Variants in C6 observed in about 807,000 individuals in gnomAD.
C6 encodes the protein complement component C6.
Under a neutral mutation model 112.9 loss-of-function variants are expected in C6, and 101 were observed. The observed-to-expected ratio is 0.89, with a 90% CI of 0.76 to 1.06. C6 has a LOEUF of 1.06. Among genes scored for constraint, C6 ranks in the 50% least tolerant of loss-of-function variants. C6 has a pLI of 0.00. For missense variants in C6, 1,202 were observed against 1,104.6 expected (o/e 1.09, Z -1.25); for synonymous variants, 431 against 384.1 (o/e 1.12, Z -1.43).
intron 1 of C6, among the ~76,000 whole-genome samples, chr5:41,224,164 T>G (rs1739343253): frequency 6.6e-6 from 1 of 152,140 alleles, no homozygotes; most frequent in Non-Finnish European, 1.5e-5. Context: ...CCTCACATAC[T>G]TACCATTTTG....
At chr5:41,148,874 C>T (rs1464682518) in intron 17 of C6, among the ~76,000 whole-genome samples, 1 of 152,192 alleles carries the variant, frequency 6.6e-6, no homozygotes, top group African/African-American at 2.4e-5. Context: ...CTATTGGCCT[C>T]AGACAGTCCC....
upstream of C6, among the ~76,000 whole-genome samples, chr5:41,214,266 G>C (rs1459796380): frequency 6.6e-6 from 1 of 152,104 alleles, no homozygotes; most frequent in African/African-American, 2.4e-5. Flanking sequence ...TGTAAAACAA[G>C]TGTTTTTCAA....
chr5:41,233,269 A>G (rs1333360976), intron 1 of C6, among the ~76,000 whole-genome samples: 1 of 152,128 alleles, frequency 6.6e-6, no homozygotes, highest in Admixed American at 6.6e-5. Context: ...TCAAAAGTAA[A>G]TGAGACCACT....
At chr5:41,151,859 G>GAAA (rs35572937) in intron 15 of C6, among the ~76,000 whole-genome samples, 1 of 142,422 alleles carries the variant, frequency 7.0e-6, no homozygotes, top group East Asian at 2.0e-4. Context: ...AGAAGATAAG[G>GAAA]AAAAAAAAAA....
At chr5:41,151,507 C>A (rs181735434) in intron 15 of C6, among the ~76,000 whole-genome samples, 64 of 152,180 alleles carry the variant, frequency 4.2e-4, no homozygotes, top group African/African-American at 1.5e-3. Context: ...TTTATGGTAT[C>A]TTTAAGACAT....
chr5:41,210,918 C>G (rs991938339), intron 1 of C6, among the ~76,000 whole-genome samples: 1 of 152,134 alleles, frequency 6.6e-6, no homozygotes, highest in Non-Finnish European at 1.5e-5. Flanking sequence ...AATCATGCTG[C>G]TATAAAGACA....
chr5:41,186,738 A>G (rs1178412807), intron 5 of C6, among the ~76,000 whole-genome samples: 1 of 152,096 alleles, frequency 6.6e-6, no homozygotes. Context: ...GCCAAGCAAT[A>G]GTAAGTGCTT....
intron 1 of C6, among the ~76,000 whole-genome samples, chr5:41,254,984 T>A (rs1741594625): frequency 6.6e-6 from 1 of 152,218 alleles, no homozygotes. Context: ...GCATAGGTGC[T>A]CATGTCTGAT....
chr5:41,148,774 C>T (rs1746090234), intron 17 of C6, among the ~76,000 whole-genome samples: 1 of 152,130 alleles, frequency 6.6e-6, no homozygotes, highest in African/African-American at 2.4e-5. Flanking sequence ...GTATTGTCAG[C>T]CTTGGCTAGA....
At chr5:41,144,236 A>G (rs1369578749) in intron 17 of C6, among the ~76,000 whole-genome samples, 1 of 152,136 alleles carries the variant, frequency 6.6e-6, no homozygotes, top group East Asian at 1.9e-4. Flanking sequence ...AGCATTTCAT[A>G]GCAACATAAC....
At chr5:41,179,179 A>G (rs2150317718) in intron 7 of C6, among the ~76,000 whole-genome samples, 1 of 152,328 alleles carries the variant, frequency 6.6e-6, no homozygotes, top group Non-Finnish European at 1.5e-5. Flanking sequence ...TAAATCAAAA[A>G]TGGTTGAATA....
At chr5:41,205,386 C>T (rs7713923) in intron 1 of C6, among the ~76,000 whole-genome samples, 3,961 of 152,210 alleles carry the variant, frequency 0.026, 162 homozygotes, top group African/African-American at 0.088. Context: ...GGACAGTGGG[C>T]GCAGTCCATG....
chr5:41,151,798 A>G (rs1746419686), intron 15 of C6, among the ~76,000 whole-genome samples: 1 of 152,142 alleles, frequency 6.6e-6, no homozygotes, highest in Non-Finnish European at 1.5e-5. Context: ...AAGCCAAGGA[A>G]AGAACATATG....
At chr5:41,256,429 T>A (rs2921171) in intron 1 of C6, among the ~76,000 whole-genome samples, 113,026 of 135,632 alleles carry the variant, frequency 0.83, 46,166 homozygotes, top group Admixed American at 0.89. Flanking sequence ...AAAGTATAAT[T>A]AAAAAAAAAA....
chr5:41,154,967 C>T lies in C6; in HGVS notation c.2101+5G>A. ...GTCAAGCAAAATTGTTTGCCCAGTT[C>T]TCACGTTGGCATTCCACATCCCCTT... is the stretch of plus-strand genomic sequence containing the variant. On this transcript the variant is annotated splice_donor_5th_base_variant and intron_variant, in intron 14 of 17. Coordinates refer to ENST00000337836, the MANE Select transcript of C6 (RefSeq NM_000065.5). The T allele has an allele frequency of 1.2e-6, 2 of 1,613,658 alleles. No individual in the cohort carries two copies. The highest frequency in any genetic ancestry group is 1.7e-6 in the Non-Finnish European group (2 of 1,179,672).
At chr5:41,201,770 T>C (rs1278605788) in intron 2 of C6, 56 bp from the exon 3 acceptor site, 1 of 1,438,444 alleles carries the variant, frequency 7.0e-7, no homozygotes, top group Non-Finnish European at 9.8e-7. Context: ...TATATCCTGC[T>C]CCATAATCAA....
intron 1 of C6, among the ~76,000 whole-genome samples, chr5:41,257,916 G>A (rs1394285645): frequency 6.6e-6 from 1 of 151,994 alleles, no homozygotes; most frequent in African/African-American, 2.4e-5. Flanking sequence ...TTAAAAGAAA[G>A]AAATAAGCTT....
chr5:41,191,825 C>T (rs1750239599), intron 5 of C6, among the ~76,000 whole-genome samples: 1 of 149,560 alleles, frequency 6.7e-6, no homozygotes, highest in Non-Finnish European at 1.5e-5. Context: ...TTAGTGTTCT[C>T]GCTATAAAAG....
intron 9 of C6, among the ~76,000 whole-genome samples, chr5:41,164,965 C>T (rs375749432): frequency 6.6e-6 from 1 of 152,080 alleles, no homozygotes; most frequent in Non-Finnish European, 1.5e-5. Context: ...CTAGCAACAC[C>T]GGAAAGCCTC....
Sources: gnomAD v4.1 joint callset for allele counts (sites outside exome capture counted in the v4.1 genomes callset) on GRCh38, gnomAD v4.1.1 for gene constraint, MANE v1.5 for transcripts, NCBI Gene and HGNC (gene_info 2026-07-23, HGNC 2026-07-21) for gene names.